The following GRIP1 variants were observed in gnomAD, a reference collection of about 807,000 sequenced individuals.
GRIP1 encodes the protein glutamate receptor-interacting protein 1.
A neutral mutation model predicts 129.9 loss-of-function variants in GRIP1; 45 were observed. The ratio of observed to expected loss-of-function variants is 0.35; its 90% CI spans 0.27 to 0.44. The LOEUF is 0.44. GRIP1 is among the 20% of genes least tolerant of loss of function. The pLI is 1.00. For synonymous variants in GRIP1, 530 were observed against 520.8 expected, an observed-to-expected ratio of 1.02 and a Z score of -0.24; for missense variants, 1,196 against 1,396.8, an observed-to-expected ratio of 0.86 and a Z score of 2.29.
intron 1 of GRIP1, among the ~76,000 whole-genome samples, chr12:66,740,798 A>G (rs2036764614): frequency 6.6e-6 from 1 of 152,076 alleles, no homozygotes; most frequent in South Asian, 2.1e-4. Context: ...GAGAAAAATT[A>G]GGCTTGGAGA....
chr12:66,628,403 T>TA (rs11377651), intron 1 of GRIP1, among the ~76,000 whole-genome samples: 54,692 of 152,042 alleles, frequency 0.36, 10,199 homozygotes, highest in Non-Finnish European at 0.42. Context: ...GGATTTCCCG[T>TA]ACTAACATGT....
chr12:66,491,012 G>C (rs2138668167), intron 7 of GRIP1, among the ~76,000 whole-genome samples: 1 of 152,288 alleles, frequency 6.6e-6, no homozygotes, highest in East Asian at 1.9e-4. Context: ...ACTGTTGGTG[G>C]GGGTGTAAAT....
intron 1 of GRIP1, among the ~76,000 whole-genome samples, chr12:67,036,183 C>T (rs755798337): frequency 3.9e-5 from 6 of 151,998 alleles, no homozygotes; most frequent in Non-Finnish European, 5.9e-5. Context: ...TTGAACTCAT[C>T]GACAAAAAAA....
At chr12:66,657,349 A>G (rs1307591531) in intron 1 of GRIP1, among the ~76,000 whole-genome samples, 1 of 152,094 alleles carries the variant, frequency 6.6e-6, no homozygotes, top group Non-Finnish European at 1.5e-5. Flanking sequence ...ACCACTTCTG[A>G]CTTTGGGATG....
intron 1 of GRIP1, among the ~76,000 whole-genome samples, chr12:66,924,720 C>T (rs2041268031): frequency 6.6e-6 from 1 of 152,194 alleles, no homozygotes; most frequent in African/African-American, 2.4e-5. Context: ...GTAATCCCAG[C>T]ACTTTGGGAG....
intron 1 of GRIP1, among the ~76,000 whole-genome samples, chr12:66,984,731 G>A (rs1029043940): frequency 6.6e-6 from 1 of 152,200 alleles, no homozygotes; most frequent in African/African-American, 2.4e-5. Context: ...GGCTATTAGA[G>A]TCAAGATATT....
chr12:66,975,577 C>T (rs985698994), intron 1 of GRIP1, among the ~76,000 whole-genome samples: 1 of 151,884 alleles, frequency 6.6e-6, no homozygotes, highest in Non-Finnish European at 1.5e-5. Flanking sequence ...ACAAAACCAT[C>T]GTCACATGAA....
chr12:66,412,520 A>G (rs1240590743), intron 15 of GRIP1, among the ~76,000 whole-genome samples: 1 of 152,224 alleles, frequency 6.6e-6, no homozygotes, highest in Non-Finnish European at 1.5e-5. Flanking sequence ...ACCAGCTGCT[A>G]CAAAAACACA....
At chr12:66,555,389 A>T (rs990798956) in intron 2 of GRIP1, among the ~76,000 whole-genome samples, 11 of 152,184 alleles carry the variant, frequency 7.2e-5, no homozygotes, top group Non-Finnish European at 1.6e-4. Context: ...TGACCAAAAA[A>T]TTAGATTCCA....
At chr12:67,024,528 C>T (rs2042913719) in intron 1 of GRIP1, among the ~76,000 whole-genome samples, 1 of 152,010 alleles carries the variant, frequency 6.6e-6, no homozygotes, top group African/African-American at 2.4e-5. Flanking sequence ...GCCATTTGGC[C>T]GTTTACTGGA....
chr12:66,428,087 C>CA (rs1423776200), intron 14 of GRIP1, among the ~76,000 whole-genome samples: 70 of 152,282 alleles, frequency 4.6e-4, no homozygotes, highest in Non-Finnish European at 6.9e-4. Context: ...CGCTGAAAAT[C>CA]CTAGTGTCAC....
At chr12:66,824,948 CT>C (rs558824325) in intron 1 of GRIP1, among the ~76,000 whole-genome samples, 2 of 152,006 alleles carry the variant, frequency 1.3e-5, no homozygotes, top group East Asian at 1.9e-4. Context: ...TTTCCAAGAG[CT>C]TTTTTTTCCC....
intron 1 of GRIP1, among the ~76,000 whole-genome samples, chr12:66,965,972 G>A (rs965482756): frequency 6.6e-6 from 1 of 152,204 alleles, no homozygotes; most frequent in African/African-American, 2.4e-5. Flanking sequence ...ATGAGGAGGA[G>A]ATGAAAGAGA....
chr12:66,995,678 A>C (rs2042456626), intron 1 of GRIP1, among the ~76,000 whole-genome samples: 1 of 152,170 alleles, frequency 6.6e-6, no homozygotes, highest in African/African-American at 2.4e-5. Context: ...GATAATAAAA[A>C]CATAATACAA....
rs938031376 is a variant in GRIP1 at position 66,534,776 on chromosome 12, C to T, written c.418+4302G>A. 2.0e-5 allele frequency among the ~76,000 whole-genome samples: 3 copies of T among 152,280 alleles called. No individual in the cohort carries two copies. In the South Asian group the frequency reaches 6.2e-4, roughly 32 times the overall value. On this transcript the variant is annotated intron_variant, in intron 4 of 24. Transcript: ENST00000359742. Reference sequence around the variant, plus strand: ...TGGCATAATCTCGGCTCACCACAACCTCTGCCTCCCAGGTTCAAGTGATTC... The same window carrying T: ...TGGCATAATCTCGGCTCACCACAACTTCTGCCTCCCAGGTTCAAGTGATTC...
chr12:66,732,704 AAATATGTATC>A (rs1298791398), intron 1 of GRIP1, among the ~76,000 whole-genome samples: 1 of 152,162 alleles, frequency 6.6e-6, no homozygotes, highest in African/African-American at 2.4e-5. Context: ...AATACATATA[AAATATGTATC>A]AACTGACTAT....
At chr12:66,849,823 C>G (rs1355181346) in intron 1 of GRIP1, among the ~76,000 whole-genome samples, 1 of 152,126 alleles carries the variant, frequency 6.6e-6, no homozygotes, top group Non-Finnish European at 1.5e-5. Flanking sequence ...AATCTGTCCC[C>G]CTTCTTCACT....
intron 24 of GRIP1, among the ~76,000 whole-genome samples, chr12:66,350,877 AAT>A (rs1196085958): frequency 6.6e-6 from 1 of 152,190 alleles, no homozygotes; most frequent in African/African-American, 2.4e-5. Flanking sequence ...TTAAGAAACT[AAT>A]ATGCCTCCAG....
intron 7 of GRIP1, among the ~76,000 whole-genome samples, chr12:66,485,205 T>C (rs957558547): frequency 6.6e-6 from 1 of 152,170 alleles, no homozygotes; most frequent in Admixed American, 6.5e-5. Flanking sequence ...TGGTCAGTCT[T>C]TTCCACTGTA....
Sources: allele counts gnomAD v4.1 joint callset (sites outside exome capture counted in the v4.1 genomes callset), GRCh38; gene constraint gnomAD v4.1.1; transcripts MANE v1.5; gene names NCBI Gene and HGNC (gene_info 2026-07-23, HGNC 2026-07-21).